The following KRTAP4-9 variants were observed in gnomAD, a reference collection of about 807,000 sequenced individuals.
KRTAP4-9 encodes the protein keratin associated protein 4-9, also known as keratin-associated protein 4-9.
A neutral mutation model predicts 4.3 loss-of-function variants in KRTAP4-9; 4 were observed. That is an observed-to-expected ratio of 0.94 (90% CI 0.46 to 2.15). The LOEUF (loss-of-function observed/expected upper bound fraction) is 2.15. Among genes scored for constraint, KRTAP4-9 ranks in the 30% most tolerant of loss-of-function variants. The pLI is 0.02. For missense variants in KRTAP4-9, 297 were observed against 278.5 expected, an observed-to-expected ratio of 1.07 and a Z score of -0.47; for synonymous variants, 111 against 99.2, an observed-to-expected ratio of 1.12 and a Z score of -0.70.
exon 1 of KRTAP4-9, chr17:41,106,376 T>A: frequency 2.7e-6 from 1 of 371,016 alleles, no homozygotes; most frequent in Non-Finnish European, 5.0e-6. Context: ...GTTTTGTCAC[T>A]GAGGTTGCAC....
exon 1 of KRTAP4-9, chr17:41,106,178 T>A: frequency 1.9e-5 from 24 of 1,294,734 alleles, no homozygotes; most frequent in Non-Finnish European, 2.5e-5. Flanking sequence ...ACTGACTCTT[T>A]GAGAACATTC....
chr17:41,105,510 G>A lies in KRTAP4-9; in HGVS notation c.122G>A (p.Arg41His), dbSNP rs184201255. 6.3e-4 allele frequency: 992 copies of A among 1,563,494 alleles called. 31 individuals are homozygous for A. In the African/African-American group the frequency reaches 0.012, roughly 19 times the overall value. The change falls in exon 1 of 1, where the codon CGC becomes CAC. Residue 41 changes from arginine to histidine, a missense_variant. Coordinates refer to ENST00000391415, the Ensembl canonical transcript of KRTAP4-9. ...ACCTGCTGCAGGACCACCTGCTGCC[G>A]CCCCAGCTGTTGTGTATCCAGCTGC...
chr17:41,106,140 A>G (rs2051942539), exon 1 of KRTAP4-9: 1 of 1,427,186 alleles, frequency 7.0e-7, no homozygotes, highest in Non-Finnish European at 9.3e-7. Context: ...AATGGAACTC[A>G]TGTTTCCAAT....
rs564906774 is a variant in KRTAP4-9, at chr17:41,105,664, C to A, written c.276C>A (p.Pro92=). Residue 92 remains proline, a synonymous_variant, in exon 1 of 1, where the codon CCC becomes CCA. Coordinates refer to ENST00000391415, the Ensembl canonical transcript of KRTAP4-9. ...GTTGTGTGTCCAGCTGCTGCAGGCC[C>A]CAGTGCTGCCAGCCTGCGTGCTGCC... is the stretch of plus-strand genomic sequence containing the variant. 3.8e-6 allele frequency: 6 copies of A among 1,565,818 alleles called. No homozygotes were observed. The South Asian group carries it at 5.8e-5, about 15-fold the overall frequency.
Position 41,105,588 on chromosome 17 carries a change from C to T in KRTAP4-9, c.200C>T (p.Pro67Leu), listed in dbSNP as rs981178042. ...TGCTGCCAACCCACTTGTTCCCGCC[C>T]CAGCTGCTGTCAGACCACCTGTTGC... The change falls in exon 1 of 1, where the codon CCC becomes CTC. Residue 67 changes from proline (P) to leucine (L), a missense_variant. Transcript: ENST00000391415. 2.0e-5 allele frequency: 32 copies of T among 1,568,222 alleles called. 2 individuals are homozygous for T. The highest frequency in any genetic ancestry group is 2.6e-5 in the Non-Finnish European group (30 of 1,169,760).
exon 1 of KRTAP4-9, chr17:41,105,712 C>G (rs530380990): frequency 1.3e-6 from 2 of 1,573,088 alleles, no homozygotes; most frequent in Non-Finnish European, 1.7e-6. Context: ...GTCGCCCCAG[C>G]TGCTGTGAGA....
exon 1 of KRTAP4-9, chr17:41,106,348 A>G: frequency 3.4e-5 from 15 of 445,026 alleles, no homozygotes; most frequent in Non-Finnish European, 5.2e-5. Context: ...AGTGAGGCAG[A>G]CATTATCTGC....
Position 41,105,833 on chromosome 17 carries a change from TG to T in KRTAP4-9, c.446del (p.Cys149SerfsTer113). On this transcript the variant is annotated frameshift_variant, in exon 1 of 1. Coordinates refer to ENST00000391415, the Ensembl canonical transcript of KRTAP4-9. LOFTEE classifies it high-confidence loss of function. The stretch of plus-strand genomic sequence containing the variant: ...CCAGTCTGTGTGCTGCCAGCCCAAC[TG>T]CTGCCGCCCCAGCTGCAGCATCTCC... 1 of 1,609,912 alleles carries T rather than the reference TG, an allele frequency of 6.2e-7. No homozygotes were observed. The highest frequency in any genetic ancestry group is 8.5e-7 in the Non-Finnish European group (1 of 1,177,558).
At chr17:41,106,042 T>A in exon 1 of KRTAP4-9, 1 of 1,558,158 alleles carries the variant, frequency 6.4e-7, no homozygotes, top group Admixed American at 1.9e-5. Flanking sequence ...CTGGCTTATC[T>A]CCCCCTTCAC....
At chr17:41,105,835 C>G (rs1597985156) in exon 1 of KRTAP4-9, 1 of 1,609,866 alleles carries the variant, frequency 6.2e-7, no homozygotes, top group East Asian at 2.2e-5. Context: ...AGCCCAACTG[C>G]TGCCGCCCCA....
In KRTAP4-9 at chr17:41,106,097, G is replaced by C. The variant is rs550134335; in HGVS notation, c.*76G>C. On this transcript the variant is annotated 3_prime_UTR_variant, in exon 1 of 1. Transcript: ENST00000391415. ...ACCCTTCTACTGTGCTGACCATTAG[G>C]ATACAGGAAGTGGGGTTGATGTCAT... 4 of 1,485,282 alleles carry C rather than the reference G, an allele frequency of 2.7e-6. No homozygotes were observed. The Admixed American group carries it at 9.5e-5, about 35-fold the overall frequency. 92.0% of individuals were successfully genotyped at this position (1,485,282 alleles called of 1,614,324 possible).
chr17:41,105,828 C>T (rs2014077959), exon 1 of KRTAP4-9: 1 of 1,611,536 alleles, frequency 6.2e-7, no homozygotes, highest in East Asian at 2.2e-5. Context: ...TGCTGCCAGC[C>T]CAACTGCTGC....
exon 1 of KRTAP4-9, chr17:41,105,521 T>G (rs1217444747): frequency 6.4e-7 from 1 of 1,563,510 alleles, no homozygotes; most frequent in Non-Finnish European, 8.6e-7. Flanking sequence ...CCCCAGCTGT[T>G]GTGTATCCAG....
chr17:41,106,210 C>A, exon 1 of KRTAP4-9: 1 of 1,099,934 alleles, frequency 9.1e-7, no homozygotes, highest in Non-Finnish European at 1.3e-6. Flanking sequence ...AAACTCCCTC[C>A]CTTGCTTTCT....
In KRTAP4-9 at chr17:41,105,818, T is replaced by C. The variant is rs778637914; in HGVS notation, c.430T>C (p.Cys144Arg). The C allele has an allele frequency of 1.2e-6, 2 of 1,611,970 alleles. No individual in the cohort carries two copies. Among genetic ancestry groups the C allele is most frequent in the Non-Finnish European group, 1.7e-6 (2 of 1,179,404 alleles). ...CAAGCCCCAGTGCTGCCAGTCTGTG[T>C]GCTGCCAGCCCAACTGCTGCCGCCC... Residue 144 changes from cysteine to arginine, a missense_variant, in exon 1 of 1, where the codon TGC becomes CGC. Transcript: ENST00000391415.
chr17:41,105,721 G>A, exon 1 of KRTAP4-9: 3 of 1,569,274 alleles, frequency 1.9e-6, no homozygotes, highest in Non-Finnish European at 2.6e-6. Context: ...GCTGCTGTGA[G>A]ACGACCTGCT....
At chr17:41,106,081 C>T in exon 1 of KRTAP4-9, 2 of 1,507,082 alleles carry the variant, frequency 1.3e-6, no homozygotes, top group Non-Finnish European at 1.8e-6. Flanking sequence ...GACCCTTCTA[C>T]TGTGCTGACC....
exon 1 of KRTAP4-9, chr17:41,105,943 C>G: frequency 1.2e-6 from 2 of 1,605,828 alleles, no homozygotes; most frequent in Non-Finnish European, 1.7e-6. Flanking sequence ...GAGTCTCCTG[C>G]CACACCACTT....
exon 1 of KRTAP4-9, chr17:41,105,570 A>T (rs1555581189): frequency 6.4e-7 from 1 of 1,570,018 alleles, no homozygotes; most frequent in Non-Finnish European, 8.5e-7. Flanking sequence ...GTGTGCTGCC[A>T]ACCCACTTGT....
Sources: allele counts gnomAD v4.1 joint callset, GRCh38; gene constraint gnomAD v4.1.1; transcripts MANE v1.5; gene names NCBI Gene and HGNC (gene_info 2026-07-23, HGNC 2026-07-21).